Variants in FAM120A observed in about 807,000 individuals in gnomAD.
FAM120A encodes family with sequence similarity 120 member A, also known as constitutive coactivator of PPAR-gamma-like protein 1.
In FAM120A, 15 loss-of-function variants were observed where a neutral mutation model predicts 109.7. The ratio of observed to expected loss-of-function variants is 0.14; its 90% CI spans 0.09 to 0.21. The LOEUF is 0.21. FAM120A is among the 10% of genes least tolerant of loss of function. The pLI is 1.00. For synonymous variants in FAM120A, 493 were observed against 572.8 expected (o/e 0.86, Z 1.99); for missense variants, 899 against 1,439.3 (o/e 0.62, Z 6.07).
At chr9:93,510,064 G>A (rs1860241008) in intron 5 of FAM120A, among the ~76,000 whole-genome samples, 1 of 152,152 alleles carries the variant, frequency 6.6e-6, no homozygotes, top group Non-Finnish European at 1.5e-5. Flanking sequence ...CAGAATAAAG[G>A]GCACCAGAGG....
Position 93,564,883 on chromosome 9 carries a change from T to C in FAM120A, c.*343T>C, listed in dbSNP as rs1390952749. ...AAAGAAAACAAATTTTGGCAGTCTT[T>C]AAGTATATATAGCTTAAAATATAAT... is the stretch of plus-strand genomic sequence containing the variant. On this transcript the variant is annotated 3_prime_UTR_variant, in exon 18 of 18. Coordinates refer to ENST00000277165, the MANE Select transcript of FAM120A (RefSeq NM_014612.5). 2.1e-5 allele frequency: 4 copies of C among 188,800 alleles called. No homozygotes were observed. The highest frequency in any genetic ancestry group is 7.0e-5 in the African/African-American group (3 of 42,746). 11.7% of individuals were successfully genotyped at this position (188,800 alleles called of 1,614,324 possible).
chr9:93,482,561 T>A (rs1858866887), intron 3 of FAM120A, among the ~76,000 whole-genome samples: 1 of 151,786 alleles, frequency 6.6e-6, no homozygotes, highest in African/African-American at 2.4e-5. Flanking sequence ...CAACCAGAAG[T>A]CATTGAGTGG....
intron 12 of FAM120A, 113 bp downstream of exon 12, chr9:93,550,804 T>C (rs1862071204): frequency 1.4e-6 from 1 of 693,260 alleles, no homozygotes; most frequent in East Asian, 2.7e-5. Flanking sequence ...ATTGCTTTAG[T>C]CCACTAAACT....
At chr9:93,476,490 A>G in intron 3 of FAM120A, 152 bp downstream of exon 3, 1 of 592,326 alleles carries the variant, frequency 1.7e-6, no homozygotes, top group African/African-American at 1.9e-5. Flanking sequence ...TGCCTTAAAA[A>G]GCAAGCAACA....
intron 7 of FAM120A, among the ~76,000 whole-genome samples, chr9:93,518,122 T>G (rs1441829930): frequency 2.0e-5 from 3 of 152,182 alleles, no homozygotes; most frequent in Non-Finnish European, 4.4e-5. Flanking sequence ...GGGTACACCC[T>G]ATAATAAGGA....
chr9:93,543,508 C>A, intron 11 of FAM120A, 37 bp downstream of exon 11: 13 of 1,602,678 alleles, frequency 8.1e-6, no homozygotes, highest in Non-Finnish European at 1.1e-5. Context: ...CCTGGGTCCC[C>A]GCCAGGTGTA....
intron 11 of FAM120A, among the ~76,000 whole-genome samples, chr9:93,550,254 A>G (rs1862046952): frequency 6.6e-6 from 1 of 152,206 alleles, no homozygotes; most frequent in African/African-American, 2.4e-5. Context: ...AATCCTGAAA[A>G]TTGGTACTTA....
At position 93,482,071 on chromosome 9, in the gene FAM120A, A is replaced by G. The variant is rs77797150; in HGVS notation, c.804+5733A>G. ...GTCTTTGTGTATTTATCACCTTACC[A>G]CTCTGATTCACTTATTTTGGTAATC... On this transcript the variant is annotated intron_variant, in intron 3 of 17. Transcript: ENST00000277165. 6.7e-3 allele frequency among the ~76,000 whole-genome samples: 1,006 copies of G among 150,018 alleles called. 14 individuals carry two copies. The highest frequency in any genetic ancestry group is 0.024 in the African/African-American group (972 of 40,760).
chr9:93,475,393 C>A (rs1399302358), intron 2 of FAM120A, among the ~76,000 whole-genome samples: 1 of 152,216 alleles, frequency 6.6e-6, no homozygotes, highest in East Asian at 1.9e-4. Context: ...TATATTATAA[C>A]GTAGCAATAT....
rs1408300064 is a variant in FAM120A at position 93,452,541 on chromosome 9, G to A, written c.474+152G>A. 3.8e-6 allele frequency: 6 copies of A among 1,573,222 alleles called. No individual in the cohort carries two copies. Among genetic ancestry groups the A allele is most frequent in the African/African-American group, 1.3e-5 (1 of 74,366 alleles). The stretch of plus-strand genomic sequence containing the variant: ...CGGGATAGCCTGGCCGGGCCGGGCT[G>A]CAAGATGGATGGCCGCGGGTGCAGG... On this transcript the variant is annotated intron_variant, in intron 1 of 17. Coordinates refer to ENST00000277165, the MANE Select transcript of FAM120A (RefSeq NM_014612.5). This position sits in a 1 kb window ranked among gnomAD's most constrained non-coding sequence, Gnocchi z 7.0.
intron 1 of FAM120A, chr9:93,453,359 A>G (rs1857376947): frequency 1.0e-6 from 1 of 985,390 alleles, no homozygotes. Context: ...CTGTGAAGAT[A>G]AGCACATCCA....
intron 3 of FAM120A, among the ~76,000 whole-genome samples, chr9:93,484,412 G>A (rs559507617): frequency 6.6e-6 from 1 of 152,278 alleles, no homozygotes; most frequent in African/African-American, 2.4e-5. Context: ...CCTGCCAGCA[G>A]GAGCAGGAAC....
chr9:93,477,104 A>T (rs1858580689), intron 3 of FAM120A, among the ~76,000 whole-genome samples: 1 of 152,186 alleles, frequency 6.6e-6, no homozygotes, highest in Non-Finnish European at 1.5e-5. Context: ...CCACCCTGGG[A>T]CTGCTTCCTT....
chr9:93,479,518 C>G (rs1171169329), intron 3 of FAM120A, among the ~76,000 whole-genome samples: 1 of 152,096 alleles, frequency 6.6e-6, no homozygotes, highest in African/African-American at 2.4e-5. Flanking sequence ...CTTGAGGATG[C>G]AAAGTCACGT....
At chr9:93,493,843 C>T (rs928021242) in intron 3 of FAM120A, among the ~76,000 whole-genome samples, 4 of 152,222 alleles carry the variant, frequency 2.6e-5, no homozygotes, top group African/African-American at 9.6e-5. Context: ...CAGCCAGCTT[C>T]TGTCCGTAGT....
chr9:93,464,798 C>CGTA (rs1188045121), intron 1 of FAM120A, among the ~76,000 whole-genome samples: 1 of 152,204 alleles, frequency 6.6e-6, no homozygotes, highest in East Asian at 1.9e-4. Context: ...GATGACTTTA[C>CGTA]CCCCTTTGAA....
chr9:93,504,207 TAAG>T (rs1314641749), intron 5 of FAM120A, among the ~76,000 whole-genome samples: 2 of 151,808 alleles, frequency 1.3e-5, no homozygotes, highest in Admixed American at 6.6e-5. Context: ...AGAAGAAAAA[TAAG>T]AAGAATGTGG....
At chr9:93,489,571 C>T (rs1315240198) in intron 3 of FAM120A, among the ~76,000 whole-genome samples, 1 of 152,200 alleles carries the variant, frequency 6.6e-6, no homozygotes, top group Non-Finnish European at 1.5e-5. Flanking sequence ...TTTCTTTGTT[C>T]AGTTTAAATC....
chr9:93,513,793 A>G (rs1860446645), intron 5 of FAM120A, among the ~76,000 whole-genome samples: 1 of 152,222 alleles, frequency 6.6e-6, no homozygotes, highest in African/African-American at 2.4e-5. Context: ...AGGCCGGACC[A>G]AGGACAGCGT....
Sources: gnomAD v4.1 joint callset for allele counts (sites outside exome capture counted in the v4.1 genomes callset) on GRCh38, gnomAD v4.1.1 for gene constraint, Gnocchi (gnomAD v3.1) non-coding constraint, MANE v1.5 for transcripts, NCBI Gene and HGNC (gene_info 2026-07-23, HGNC 2026-07-21) for gene names.